Variants in ACE observed in about 807,000 individuals in gnomAD.
ACE encodes the protein angiotensin-converting enzyme.
In ACE, 122 loss-of-function variants were observed where a neutral mutation model predicts 162.3. That is an observed-to-expected ratio of 0.75 (90% CI 0.65 to 0.87). The LOEUF (loss-of-function observed/expected upper bound fraction) is 0.87. Among genes scored for constraint, ACE ranks in the 40% least tolerant of loss-of-function variants. The pLI, the probability that ACE is intolerant of heterozygous loss-of-function variation, is 0.00. For synonymous variants in ACE, 796 were observed against 720.6 expected (o/e 1.10, Z -1.68); for missense variants, 1,799 against 1,735.1 (o/e 1.04, Z -0.65).
At position 63,497,186 on chromosome 17, in the gene ACE, C is replaced by A; in HGVS notation, c.3741C>A (p.Gly1247=). The A allele has an allele frequency of 6.2e-7, 1 of 1,603,898 alleles. No homozygotes were observed. Residue 1247 remains glycine, a synonymous_variant, in exon 25 of 25, where the codon GGC becomes GGA. Coordinates refer to ENST00000290866, the MANE Select transcript of ACE (RefSeq NM_000789.4). ...ACAGCGGCCGCGTCAGCTTCCTGGG[C>A]CTGGACCTGGATGCGCAGCAGGCCC... ...LPDSGRVSFL[G]LDLDAQQARV...
chr17:63,491,043 C>T lies in ACE; in HGVS notation c.2731C>T (p.Leu911=), dbSNP rs769636081. The change falls in exon 18 of 25, where the codon CTA becomes TTA. Residue 911 remains leucine (L), a synonymous_variant. Coordinates refer to ENST00000290866, the MANE Select transcript of ACE (RefSeq NM_000789.4). This position sits in a 1 kb window ranked among gnomAD's most constrained non-coding sequence, Gnocchi z 4.4. ...APSMDTTEAM[L]KQGWTPRRMF... is the part of the protein sequence containing the mutation. The stretch of plus-strand genomic sequence containing the variant: ...CTCGATGGACACCACAGAGGCTATG[C>T]TAAAGCAGGTCCGCACCAGCCCAGG... 6.2e-7 allele frequency: 1 copy of T among 1,614,166 alleles called. No individual in the cohort carries two copies. Among genetic ancestry groups the T allele is most frequent in the Non-Finnish European group, 8.5e-7 (1 of 1,180,006 alleles).
Position 63,485,038 on chromosome 17 carries a change from G to A in ACE, c.1922-198G>A, listed in dbSNP as rs767512451. 7.5e-6 allele frequency: 12 copies of A among 1,610,550 alleles called. No individual in the cohort carries two copies. The highest frequency in any genetic ancestry group is 3.3e-5 in the South Asian group (3 of 90,310). Reference sequence around the variant, plus strand: ...GCCAGACAACCACCCACCAGGCGACGGCCCACCAGACATCAGCCCAGAGCC... The same window carrying A: ...GCCAGACAACCACCCACCAGGCGACAGCCCACCAGACATCAGCCCAGAGCC... On this transcript the variant is annotated intron_variant, in intron 12 of 24. Transcript: ENST00000290866.
intron 1 of ACE, 185 bp downstream of exon 1, chr17:63,477,528 C>T: frequency 6.2e-6 from 2 of 321,874 alleles, no homozygotes; most frequent in Non-Finnish European, 9.5e-6. Context: ...GCGCTCCCAG[C>T]ATGCACGAGT....
chr17:63,479,194 A>C, intron 3 of ACE, 94 bp downstream of exon 3: 1 of 1,073,144 alleles, frequency 9.3e-7, no homozygotes, highest in East Asian at 2.6e-5. Context: ...GGGTCTGTGG[A>C]GACAGCAGGT....
intron 2 of ACE, chr17:63,478,661 C>G (rs2049658021): frequency 2.6e-6 from 1 of 387,702 alleles, no homozygotes; most frequent in South Asian, 2.2e-5. Flanking sequence ...AGACCTCCCC[C>G]CAAAAAAAAG....
At chr17:63,480,072 T>A (rs2049681473) in intron 4 of ACE, among the ~76,000 whole-genome samples, 160 bp downstream of exon 4, 1 of 152,322 alleles carries the variant, frequency 6.6e-6, no homozygotes, top group Middle Eastern at 3.4e-3. Flanking sequence ...GCACCCAGTG[T>A]GCCTGGACTT....
At chr17:63,496,111 G>A in intron 22 of ACE, 1 of 480,004 alleles carries the variant, frequency 2.1e-6, no homozygotes. Context: ...GATCTCTGAA[G>A]GCTCTGCCCT....
Position 63,497,407 on chromosome 17 carries a change from C to A in ACE, c.*41C>A. 6.6e-7 allele frequency: 1 copy of A among 1,514,936 alleles called. No individual in the cohort carries two copies. The highest frequency in any genetic ancestry group is 8.9e-7 in the Non-Finnish European group (1 of 1,118,708). 93.8% of individuals were successfully genotyped at this position (1,514,936 alleles called of 1,614,324 possible). ...TCGGCCCTGCCCAAGGGCCTCCCAC[C>A]AGAGACTGGGATGGGAACACTGGTG... On this transcript the variant is annotated 3_prime_UTR_variant, in exon 25 of 25. Coordinates refer to ENST00000290866, the MANE Select transcript of ACE (RefSeq NM_000789.4).
rs137910205 is a variant in ACE at position 63,484,414 on chromosome 17, G to T, written c.1794G>T (p.Pro598=). Residue 598 remains proline, a synonymous_variant, in exon 12 of 25, where the codon CCG becomes CCT. Coordinates refer to ENST00000290866, the MANE Select transcript of ACE (RefSeq NM_000789.4). This position sits in a 1 kb window ranked among gnomAD's most constrained non-coding sequence, Gnocchi z 4.0. ...GCTTAGATGCCCTGGATGCCCAGCC[G>T]CTGCTCAAGTACTTCCAGCCAGTCA... ...MVGLDALDAQ[P]LLKYFQPVTQ... 1.2e-6 allele frequency: 2 copies of T among 1,612,218 alleles called. No homozygotes were observed. The highest frequency in any genetic ancestry group is 4.5e-5 in the East Asian group (2 of 44,868).
chr17:63,491,452 C>A lies in ACE; in HGVS notation c.2912+71C>A. 1.3e-6 allele frequency: 2 copies of A among 1,587,926 alleles called. No homozygotes were observed. The highest frequency in any genetic ancestry group is 1.1e-5 in the South Asian group (1 of 90,406). On this transcript the variant is annotated intron_variant, in intron 19 of 24. Transcript: ENST00000290866. The surrounding 1 kb of genome is among the most constrained non-coding windows in gnomAD (Gnocchi z 4.4). ...AAGGGAAATGAACCAAGCAAAGGGT[C>A]CACTACTGTCCCCCAGCTGGAGCCA...
intron 23 of ACE, 40 bp downstream of exon 23, chr17:63,496,556 C>T: frequency 1.2e-6 from 2 of 1,613,174 alleles, no homozygotes; most frequent in South Asian, 1.1e-5. Flanking sequence ...CATGCTCTGG[C>T]CTGCGCCCCT....
rs1221928144 is a variant in ACE at position 63,477,950 on chromosome 17, G to A, written c.269G>A (p.Ser90Asn). The A allele has an allele frequency of 7.4e-6, 12 of 1,611,678 alleles. No individual in the cohort carries two copies. The highest frequency in any genetic ancestry group is 1.0e-5 in the Non-Finnish European group (12 of 1,179,296). The stretch of plus-strand genomic sequence containing the variant: ...CAATAGGAGGAAGCAGCCCTGCTCA[G>A]CCAGGAGTTTGCGGAGGCCTGGGGC... ...ARRQEEAALL[S>N]QEFAEAWGQK... The change falls in exon 2 of 25, where the codon AGC (serine) becomes AAC (asparagine). Residue 90 changes from serine to asparagine, a missense_variant. Physicochemically the swap from Ser to Asn is conservative, Grantham distance 46 (BLOSUM62 1). Transcript: ENST00000290866.
intron 21 of ACE, 57 bp from the exon 22 acceptor site, chr17:63,494,315 C>A: frequency 6.5e-7 from 1 of 1,544,842 alleles, no homozygotes; most frequent in Non-Finnish European, 8.9e-7. Flanking sequence ...TCAAAAATGC[C>A]ACCCCCAGCC....
At position 63,483,988 on chromosome 17, in the gene ACE, C is replaced by T. The variant is rs528014330; in HGVS notation, c.1709+17C>T. The T allele has an allele frequency of 3.4e-5, 55 of 1,608,516 alleles. No homozygotes were observed. The highest frequency in any genetic ancestry group is 1.7e-4 in the Middle Eastern group (1 of 5,936). On this transcript the variant is annotated intron_variant, in intron 11 of 24. Transcript: ENST00000290866. Reference sequence around the variant, plus strand: ...CAAGCTCCGGTGTGTGGTGGGAAGCCGGGGGAAGTGGGAGGCAGAGAGGAG... The same window carrying T: ...CAAGCTCCGGTGTGTGGTGGGAAGCTGGGGGAAGTGGGAGGCAGAGAGGAG...
intron 5 of ACE, among the ~76,000 whole-genome samples, 193 bp from the exon 6 acceptor site, chr17:63,480,898 C>G (rs1275718191): frequency 6.6e-6 from 1 of 152,208 alleles, no homozygotes; most frequent in South Asian, 2.1e-4. Context: ...CAGCATCTTG[C>G]AGCCCCAGGA....
At chr17:63,478,130 C>T in intron 2 of ACE, 32 bp downstream of exon 2, 6 of 1,556,022 alleles carry the variant, frequency 3.9e-6, no homozygotes, top group South Asian at 1.2e-5. Flanking sequence ...AGCTCGGGGG[C>T]GGCCTCCTAG....
At chr17:63,497,074 G>A (rs1372455412) in intron 24 of ACE, 63 bp from the exon 25 acceptor site, 5 of 1,587,804 alleles carry the variant, frequency 3.1e-6, no homozygotes, top group Non-Finnish European at 4.3e-6. Context: ...GCCTGGCCCT[G>A]CCCCGCACCC....
Position 63,477,954 on chromosome 17 carries a change from G to A in ACE, c.273G>A (p.Gln91=). The A allele has an allele frequency of 1.2e-6, 2 of 1,611,954 alleles. No homozygotes were observed. Among genetic ancestry groups the A allele is most frequent in the Non-Finnish European group, 1.7e-6 (2 of 1,179,368 alleles). ...AGGAGGAAGCAGCCCTGCTCAGCCA[G>A]GAGTTTGCGGAGGCCTGGGGCCAGA... The part of the protein sequence containing the change: ...RRQEEAALLS[Q]EFAEAWGQKA... The change falls in exon 2 of 25, where the codon CAG becomes CAA. Residue 91 remains glutamine (Q), a synonymous_variant. Coordinates refer to ENST00000290866, the MANE Select transcript of ACE (RefSeq NM_000789.4).
At chr17:63,489,260 G>C (rs2030213784) in intron 17 of ACE, 128 bp downstream of exon 17, 3 of 1,216,598 alleles carry the variant, frequency 2.5e-6, no homozygotes, top group African/African-American at 3.0e-5. Context: ...GTGGGGGATG[G>C]TTGCCCAGGC....
Sources: allele counts gnomAD v4.1 joint callset (sites outside exome capture counted in the v4.1 genomes callset), GRCh38; gene constraint gnomAD v4.1.1; non-coding constraint Gnocchi (gnomAD v3.1); transcripts MANE v1.5; gene names NCBI Gene and HGNC (gene_info 2026-07-23, HGNC 2026-07-21).